The following GPR149 variants were observed in gnomAD, a reference collection of about 807,000 sequenced individuals.
GPR149 encodes the protein probable G protein-coupled receptor 149.
A neutral mutation model predicts 50.2 loss-of-function variants in GPR149; 50 were observed. The ratio of observed to expected loss-of-function variants is 1.00; its 90% CI spans 0.79 to 1.26. The LOEUF is 1.26. GPR149 is among the 50% of genes most tolerant of loss of function. The pLI, the probability that GPR149 is intolerant of heterozygous loss-of-function variation, is 0.00. For missense variants in GPR149, 983 were observed against 895.4 expected, an observed-to-expected ratio of 1.10 and a Z score of -1.25; for synonymous variants, 405 against 358.2, an observed-to-expected ratio of 1.13 and a Z score of -1.48.
intron 3 of GPR149, among the ~76,000 whole-genome samples, chr3:154,351,823 C>T (rs1187311625): frequency 6.6e-6 from 1 of 152,008 alleles, no homozygotes. Context: ...ATAATAGAAA[C>T]CCCTCAAAAT....
chr3:154,383,478 G>T (rs1714976778), intron 3 of GPR149, among the ~76,000 whole-genome samples: 1 of 152,120 alleles, frequency 6.6e-6, no homozygotes, highest in African/African-American at 2.4e-5. Context: ...CAGTGAATAT[G>T]GGGCACACTG....
chr3:154,386,379 C>T (rs1715045384), intron 3 of GPR149, among the ~76,000 whole-genome samples: 1 of 152,206 alleles, frequency 6.6e-6, no homozygotes. Flanking sequence ...ACAGGCTCAG[C>T]CTGACGAATT....
At chr3:154,343,867 T>C (rs2108384917) in intron 3 of GPR149, among the ~76,000 whole-genome samples, 1 of 152,042 alleles carries the variant, frequency 6.6e-6, no homozygotes, top group South Asian at 2.1e-4. Context: ...TAGTGCCAGC[T>C]ACTGCGGAGG....
intron 3 of GPR149, among the ~76,000 whole-genome samples, chr3:154,370,661 C>A (rs1300846555): frequency 1.3e-5 from 2 of 152,126 alleles, no homozygotes; most frequent in South Asian, 2.1e-4. Context: ...ATCACCCACA[C>A]AGAGTCCCAG....
At chr3:154,347,303 C>T (rs1351563282) in intron 3 of GPR149, among the ~76,000 whole-genome samples, 1 of 152,140 alleles carries the variant, frequency 6.6e-6, no homozygotes, top group Non-Finnish European at 1.5e-5. Flanking sequence ...GGGGAGGCCT[C>T]AGGAAACTTA....
intron 3 of GPR149, among the ~76,000 whole-genome samples, chr3:154,408,244 G>C (rs1031377835): frequency 6.6e-6 from 1 of 152,212 alleles, no homozygotes; most frequent in East Asian, 1.9e-4. Flanking sequence ...CAGATGGACA[G>C]AGCAGCATGT....
At chr3:154,391,404 GT>G (rs1022557588) in intron 3 of GPR149, among the ~76,000 whole-genome samples, 3 of 151,554 alleles carry the variant, frequency 2.0e-5, no homozygotes, top group African/African-American at 7.3e-5. Flanking sequence ...ACTATGAGTT[GT>G]TTTATACAAG....
rs183554318 is a variant in GPR149, at chr3:154,337,200, C to T, written c.*499G>A. Reference sequence around the variant, plus strand: ...TTTCATTTTACAGAAGAATGTAAAGCTAAAGCAGTAAGTGTAATAAGCTTG... The same window carrying T: ...TTTCATTTTACAGAAGAATGTAAAGTTAAAGCAGTAAGTGTAATAAGCTTG... On this transcript the variant is annotated 3_prime_UTR_variant, in exon 4 of 4. Coordinates refer to ENST00000389740, the MANE Select transcript of GPR149 (RefSeq NM_001038705.3). 1.3e-5 allele frequency among the ~76,000 whole-genome samples: 2 copies of T among 152,258 alleles called. No homozygotes were observed. The highest frequency in any genetic ancestry group is 4.1e-4 in the South Asian group (2 of 4,826).
At chr3:154,354,553 A>AT (rs942125048) in intron 3 of GPR149, among the ~76,000 whole-genome samples, 16 of 149,484 alleles carry the variant, frequency 1.1e-4, no homozygotes, top group South Asian at 2.1e-4. Context: ...GTGTTTCAGG[A>AT]TTTTTTTTTC....
intron 3 of GPR149, among the ~76,000 whole-genome samples, chr3:154,362,354 A>G (rs1204596960): frequency 6.6e-6 from 1 of 152,014 alleles, no homozygotes; most frequent in Non-Finnish European, 1.5e-5. Context: ...TTCTTGGTTA[A>G]TTTACTGTCA....
At chr3:154,348,709 A>G (rs1206387769) in intron 3 of GPR149, among the ~76,000 whole-genome samples, 1 of 152,176 alleles carries the variant, frequency 6.6e-6, no homozygotes, top group Non-Finnish European at 1.5e-5. Context: ...TAGAAAGAAA[A>G]TCAACAAGAG....
At chr3:154,422,119 G>A (rs1169092287) in intron 2 of GPR149, among the ~76,000 whole-genome samples, 1 of 151,510 alleles carries the variant, frequency 6.6e-6, no homozygotes, top group Non-Finnish European at 1.5e-5. Flanking sequence ...AAATTAGATG[G>A]ATTAATATTT....
At chr3:154,421,570 A>G (rs1402663318) in intron 2 of GPR149, 83 bp from the exon 3 acceptor site, 12 of 650,944 alleles carry the variant, frequency 1.8e-5, no homozygotes, top group Non-Finnish European at 2.2e-5. Flanking sequence ...TAAAAATAGA[A>G]AGCGCATTCA....
chr3:154,421,194 C>G lies in GPR149; in HGVS notation c.1468G>C (p.Asp490His), dbSNP rs747593917. The change falls in exon 3 of 4, where the codon GAT becomes CAT. Residue 490 changes from aspartate to histidine, a missense_variant. Coordinates refer to ENST00000389740, the MANE Select transcript of GPR149 (RefSeq NM_001038705.3). ...EAKQDSNNKK[D>H]AFSDKTGGDI... ...CCTCCTGTTTTGTCAGAAAACGCATCCTTTTTGTTGTTGGAATCCTGTTTA... is the reference window on the plus strand; with the variant it reads ...CCTCCTGTTTTGTCAGAAAACGCATGCTTTTTGTTGTTGGAATCCTGTTTA... 3.8e-5 allele frequency: 62 copies of G among 1,613,328 alleles called. No individual in the cohort carries two copies. The highest frequency in any genetic ancestry group is 5.2e-5 in the Non-Finnish European group (61 of 1,179,602).
intron 3 of GPR149, among the ~76,000 whole-genome samples, chr3:154,346,070 C>T (rs1401776989): frequency 3.3e-5 from 5 of 152,164 alleles, no homozygotes; most frequent in Non-Finnish European, 7.3e-5. Flanking sequence ...AGGTAGAATT[C>T]TGTCACTAAC....
chr3:154,350,162 A>T (rs1371109131), intron 3 of GPR149, among the ~76,000 whole-genome samples: 4 of 152,142 alleles, frequency 2.6e-5, no homozygotes, highest in Non-Finnish European at 5.9e-5. Context: ...ATGCCACTGC[A>T]CCCAGCCTCA....
chr3:154,356,044 G>A (rs538135152), intron 3 of GPR149, among the ~76,000 whole-genome samples: 1 of 152,290 alleles, frequency 6.6e-6, no homozygotes, highest in South Asian at 2.1e-4. Context: ...GTGTCCTAGG[G>A]TAGAGGAGGC....
At chr3:154,375,326 T>C (rs571452958) in intron 3 of GPR149, among the ~76,000 whole-genome samples, 5 of 152,304 alleles carry the variant, frequency 3.3e-5, no homozygotes, top group South Asian at 2.1e-4. Context: ...AGAGTTTTTT[T>C]CCTCTATTTC....
At chr3:154,371,689 C>T (rs930140836) in intron 3 of GPR149, among the ~76,000 whole-genome samples, 1 of 152,122 alleles carries the variant, frequency 6.6e-6, no homozygotes, top group African/African-American at 2.4e-5. Flanking sequence ...AAGAATGTTG[C>T]TATTTTGTTA....
Sources: allele counts gnomAD v4.1 joint callset (sites outside exome capture counted in the v4.1 genomes callset), GRCh38; gene constraint gnomAD v4.1.1; transcripts MANE v1.5; gene names NCBI Gene and HGNC (gene_info 2026-07-23, HGNC 2026-07-21).